SMYD4: variants seen among roughly 807,000 people sequenced by gnomAD.
SMYD4 encodes the protein SET and MYND domain containing 4.
Under a neutral mutation model 72.8 loss-of-function variants are expected in SMYD4, and 68 were observed. The observed-to-expected ratio is 0.93, with a 90% CI of 0.77 to 1.14. The LOEUF is 1.14. Among genes scored for constraint, SMYD4 ranks in the 50% most tolerant of loss-of-function variants. SMYD4 has a pLI of 0.00. For synonymous variants in SMYD4, 407 were observed against 388.6 expected (o/e 1.05, Z -0.56); for missense variants, 984 against 1,003.7 (o/e 0.98, Z 0.27).
intron 4 of SMYD4, among the ~76,000 whole-genome samples, chr17:1,801,487 G>A (rs181226320): frequency 8.8e-4 from 133 of 151,464 alleles, no homozygotes; most frequent in African/African-American, 2.8e-3. Context: ...TGATACGCCC[G>A]CCTCAGCCTC....
intron 2 of SMYD4, among the ~76,000 whole-genome samples, chr17:1,812,943 G>T (rs968670253): frequency 7.5e-5 from 4 of 53,278 alleles, no homozygotes; most frequent in African/African-American, 3.0e-4. Flanking sequence ...CATCATAAAA[G>T]ATTTTTTTTT....
At chr17:1,783,235 G>A in intron 9 of SMYD4, 77 bp from the exon 10 acceptor site, 1 of 1,612,168 alleles carries the variant, frequency 6.2e-7, no homozygotes, top group Non-Finnish European at 8.5e-7. Context: ...GGGAGGAAAT[G>A]GAACGAGAGG....
intron 3 of SMYD4, among the ~76,000 whole-genome samples, chr17:1,809,896 C>G (rs890208031): frequency 1.3e-5 from 2 of 150,716 alleles, no homozygotes; most frequent in African/African-American, 4.9e-5. Flanking sequence ...GTCTCAATCT[C>G]CTGATCCACC....
intron 2 of SMYD4, among the ~76,000 whole-genome samples, chr17:1,819,209 T>C (rs540472182): frequency 8.6e-5 from 13 of 151,606 alleles, no homozygotes; most frequent in Admixed American, 8.5e-4. Context: ...ATACAAAAAT[T>C]AGCCAGGCAC....
chr17:1,792,960 C>T (rs1400134920), intron 5 of SMYD4, among the ~76,000 whole-genome samples: 1 of 151,974 alleles, frequency 6.6e-6, no homozygotes, highest in Non-Finnish European at 1.5e-5. Context: ...TAGACAGGGT[C>T]TCACTCTGTT....
chr17:1,791,919 C>A (rs1909052477), intron 5 of SMYD4, among the ~76,000 whole-genome samples: 1 of 151,900 alleles, frequency 6.6e-6, no homozygotes, highest in African/African-American at 2.4e-5. Flanking sequence ...ATTGAAATTA[C>A]AAAAGGAATA....
intron 5 of SMYD4, among the ~76,000 whole-genome samples, chr17:1,792,819 C>T (rs1410177124): frequency 2.6e-5 from 4 of 152,094 alleles, no homozygotes; most frequent in East Asian, 1.9e-4. Flanking sequence ...ATCCATCTAC[C>T]GTAAAATTCA....
intron 2 of SMYD4, among the ~76,000 whole-genome samples, chr17:1,812,370 T>C (rs377314057): frequency 7.2e-5 from 11 of 151,848 alleles, no homozygotes; most frequent in African/African-American, 2.7e-4. Flanking sequence ...CACTGCAGCC[T>C]TGACTTCCCA....
intron 10 of SMYD4, 195 bp downstream of exon 10, chr17:1,782,840 C>T: frequency 1.5e-6 from 1 of 674,094 alleles, no homozygotes; most frequent in Non-Finnish European, 2.2e-6. Flanking sequence ...GATCTTGGCT[C>T]ACTGCAAGCT....
rs35650939 is a variant in SMYD4, at chr17:1,796,299, G to GTTTTTTTT, written c.1537+3550_1537+3557dup. Among the ~76,000 whole-genome samples the GTTTTTTTT allele has an allele frequency of 9.9e-4, 108 of 109,512 alleles. 3 individuals are homozygous for GTTTTTTTT. The highest frequency in any genetic ancestry group is 1.2e-3 in the African/African-American group (32 of 26,990). The allele number at this position is 109,512 out of a possible 152,430, so 71.8% of individuals were successfully genotyped here. ...CAGGCACATGCCACCATGCCTGGCT[G>GTTTTTTTT]TTTTTTTTTTTTTTTTTTGTAGAGA... On this transcript the variant is annotated intron_variant, in intron 5 of 10. Coordinates refer to ENST00000305513, the MANE Select transcript of SMYD4 (RefSeq NM_052928.3).
At chr17:1,816,643 A>T (rs2151249635) in intron 2 of SMYD4, among the ~76,000 whole-genome samples, 1 of 151,386 alleles carries the variant, frequency 6.6e-6, no homozygotes, top group African/African-American at 2.4e-5. Context: ...ATTTTTTTTT[A>T]AGAGATGGAG....
intron 2 of SMYD4, among the ~76,000 whole-genome samples, chr17:1,820,536 T>C (rs1910835829): frequency 2.0e-5 from 3 of 152,166 alleles, no homozygotes; most frequent in African/African-American, 4.8e-5. Flanking sequence ...GGGGTCACCA[T>C]ACCTGGCCTA....
chr17:1,799,115 C>T (rs930294057), intron 5 of SMYD4, among the ~76,000 whole-genome samples: 9 of 150,968 alleles, frequency 6.0e-5, no homozygotes, highest in African/African-American at 1.7e-4. Context: ...AAAAATTAGC[C>T]GGGCGTGGTG....
At chr17:1,794,035 ATG>A (rs71988199) in intron 5 of SMYD4, among the ~76,000 whole-genome samples, 3,973 of 37,654 alleles carry the variant, frequency 0.11, 401 homozygotes, top group African/African-American at 0.24. Context: ...GTATATATAT[ATG>A]TATGTATATA....
chr17:1,821,703 G>C (rs1310798313), intron 2 of SMYD4, among the ~76,000 whole-genome samples: 4 of 152,118 alleles, frequency 2.6e-5, no homozygotes, highest in African/African-American at 4.8e-5. Context: ...GACCAAGGTG[G>C]GCAGATCACC....
chr17:1,811,159 T>C (rs766638933), intron 3 of SMYD4, among the ~76,000 whole-genome samples: 13 of 152,184 alleles, frequency 8.5e-5, no homozygotes, highest in Non-Finnish European at 1.8e-4. Context: ...ACTGTAAACA[T>C]TCATCCCTAG....
Position 1,781,442 on chromosome 17 carries a change from G to C in SMYD4, c.2262-3C>G. On this transcript the variant is annotated splice_region_variant and splice_polypyrimidine_tract_variant and intron_variant, in intron 10 of 10. Coordinates refer to ENST00000305513, the MANE Select transcript of SMYD4 (RefSeq NM_052928.3). The stretch of plus-strand genomic sequence containing the variant: ...TCAGGGCTTCGGGTACTGCAAACCT[G>C]AGCCAAGGGAGGTAAGAGGAGTTAG... The C allele has an allele frequency of 6.2e-7, 1 of 1,612,424 alleles. No individual in the cohort carries two copies.
At chr17:1,828,599 CTTTT>C (rs374636473) in intron 1 of SMYD4, among the ~76,000 whole-genome samples, 2 of 121,790 alleles carry the variant, frequency 1.6e-5, no homozygotes, top group Non-Finnish European at 1.6e-5. Context: ...CTTAGATCCT[CTTTT>C]TTTTTTTTTT....
At chr17:1,788,078 C>A (rs1337816234) in intron 5 of SMYD4, among the ~76,000 whole-genome samples, 1 of 152,122 alleles carries the variant, frequency 6.6e-6, no homozygotes, top group Non-Finnish European at 1.5e-5. Context: ...TTTAAGCAGG[C>A]CAGGCACCAG....
Sources: allele counts gnomAD v4.1 joint callset (sites outside exome capture counted in the v4.1 genomes callset), GRCh38; gene constraint gnomAD v4.1.1; transcripts MANE v1.5; gene names NCBI Gene and HGNC (gene_info 2026-07-23, HGNC 2026-07-21).